Variants in ACP3 observed in about 807,000 individuals in gnomAD.
The protein encoded by ACP3 is prostatic acid phosphatase.
In ACP3, 38 loss-of-function variants were observed where a neutral mutation model predicts 45.6. The observed-to-expected ratio is 0.83, with a 90% CI of 0.64 to 1.09. The LOEUF is 1.09. ACP3 is among the 50% of genes least tolerant of loss of function. The pLI is 0.00. For synonymous variants in ACP3, 162 were observed against 164.7 expected, an observed-to-expected ratio of 0.98 and a Z score of 0.13; for missense variants, 466 against 463.2, an observed-to-expected ratio of 1.01 and a Z score of -0.05.
downstream of ACP3, among the ~76,000 whole-genome samples, chr3:132,359,712 T>C (rs1225426716): frequency 1.3e-5 from 2 of 152,008 alleles, no homozygotes; most frequent in Non-Finnish European, 2.9e-5. Flanking sequence ...CAAATAACAA[T>C]ATGCAGGTAG....
intron 4 of ACP3, among the ~76,000 whole-genome samples, chr3:132,334,967 A>G (rs1018401715): frequency 6.6e-6 from 1 of 152,134 alleles, no homozygotes; most frequent in African/African-American, 2.4e-5. Context: ...AAGTCAAGTT[A>G]GTTAAAAAAT....
At chr3:132,329,838 A>C (rs751670312) in intron 2 of ACP3, among the ~76,000 whole-genome samples, 6 of 151,956 alleles carry the variant, frequency 3.9e-5, no homozygotes, top group African/African-American at 1.5e-4. Flanking sequence ...CCCAAGGATG[A>C]CAATGGCACT....
intron 7 of ACP3, among the ~76,000 whole-genome samples, chr3:132,346,004 G>C (rs970760158): frequency 3.3e-5 from 5 of 152,210 alleles, no homozygotes; most frequent in African/African-American, 1.2e-4. Context: ...GATGGTCCAA[G>C]TCAGGCTGAC....
downstream of ACP3, among the ~76,000 whole-genome samples, chr3:132,362,248 C>T (rs1372386339): frequency 6.6e-6 from 1 of 152,078 alleles, no homozygotes; most frequent in African/African-American, 2.4e-5. Flanking sequence ...GATAACATGC[C>T]ACAAGTAATA....
chr3:132,322,870 G>A (rs1172868495), intron 1 of ACP3, among the ~76,000 whole-genome samples: 1 of 152,228 alleles, frequency 6.6e-6, no homozygotes, highest in Non-Finnish European at 1.5e-5. Flanking sequence ...CAGATTAATG[G>A]ATTAATAGGT....
intron 6 of ACP3, among the ~76,000 whole-genome samples, chr3:132,344,239 C>T (rs891558072): frequency 1.4e-5 from 2 of 146,968 alleles, no homozygotes; most frequent in Non-Finnish European, 3.0e-5. Context: ...AATCGTGCCA[C>T]TGCACTCCAG....
chr3:132,322,719 G>C lies in ACP3; in HGVS notation c.120+5143G>C, dbSNP rs138061389. Reference sequence around the variant, plus strand: ...AGCAAAGGCACAAATGAATAGGATAGAGACTGCTACAATTTGAATGTTTGT... The same window carrying C: ...AGCAAAGGCACAAATGAATAGGATACAGACTGCTACAATTTGAATGTTTGT... On this transcript the variant is annotated intron_variant, in intron 1 of 9. Coordinates refer to ENST00000336375, the MANE Select transcript of ACP3 (RefSeq NM_001099.5). 9.2e-3 allele frequency among the ~76,000 whole-genome samples: 1,398 copies of C among 152,352 alleles called. 29 individuals are homozygous for C. The highest frequency in any genetic ancestry group is 0.032 in the African/African-American group (1,322 of 41,576).
chr3:132,331,946 G>T (rs1392352150), intron 3 of ACP3, among the ~76,000 whole-genome samples: 1 of 152,112 alleles, frequency 6.6e-6, no homozygotes, highest in Non-Finnish European at 1.5e-5. Context: ...AAATACTTTG[G>T]CTTGACAAGT....
intron 1 of ACP3, among the ~76,000 whole-genome samples, chr3:132,326,729 T>C (rs1937304709): frequency 6.6e-6 from 1 of 152,240 alleles, no homozygotes; most frequent in Admixed American, 6.5e-5. Flanking sequence ...TTAATGTCTA[T>C]TGAATTCTGT....
In ACP3 at chr3:132,345,049, G is replaced by C. The variant is rs1182891594; in HGVS notation, c.771G>C (p.Arg257Ser). The C allele has an allele frequency of 1.2e-6, 2 of 1,613,044 alleles. No homozygotes were observed. Among genetic ancestry groups the C allele is most frequent in the Non-Finnish European group, 1.7e-6 (2 of 1,179,508 alleles). ...TTCACAAGCAGAAAGAGAAATCTAGGCTCCAAGGGGGTAAGTATTAAAAAA... is the reference window on the plus strand; with the variant it reads ...TTCACAAGCAGAAAGAGAAATCTAGCCTCCAAGGGGGTAAGTATTAAAAAA... ...YGIHKQKEKSRLQGGVLVNEI... is the reference protein window; with the variant it reads ...YGIHKQKEKSSLQGGVLVNEI... The change falls in exon 7 of 10, where the codon AGG (arginine) becomes AGC (serine). Residue 257 changes from arginine to serine, a missense_variant. Physicochemically the swap from Arg to Ser is moderately radical, Grantham distance 110 (BLOSUM62 -1). Transcript: ENST00000336375.
downstream of ACP3, among the ~76,000 whole-genome samples, chr3:132,360,807 A>T (rs1215311507): frequency 6.6e-6 from 1 of 152,240 alleles, no homozygotes; most frequent in Non-Finnish European, 1.5e-5. Context: ...CACATGCCCA[A>T]GATTCAACCT....
intron 1 of ACP3, among the ~76,000 whole-genome samples, chr3:132,324,292 A>G (rs1559828098): frequency 6.6e-6 from 1 of 151,724 alleles, no homozygotes; most frequent in Non-Finnish European, 1.5e-5. Flanking sequence ...GACTGTACTC[A>G]CCAGGTTCTC....
intron 9 of ACP3, among the ~76,000 whole-genome samples, chr3:132,354,894 TA>T (rs1191738351): frequency 6.6e-6 from 1 of 152,254 alleles, no homozygotes; most frequent in Non-Finnish European, 1.5e-5. Flanking sequence ...TCTTCACCAC[TA>T]AAGCCAATTT....
At chr3:132,333,407 C>T (rs1291837815) in intron 4 of ACP3, 5 of 152,636 alleles carry the variant, frequency 3.3e-5, no homozygotes, top group Admixed American at 3.3e-4. Context: ...TCCCTGCAGT[C>T]CCATCATAGG....
chr3:132,347,032 C>G (rs1937617931), intron 7 of ACP3, among the ~76,000 whole-genome samples: 2 of 152,182 alleles, frequency 1.3e-5, no homozygotes, highest in South Asian at 4.1e-4. Flanking sequence ...TCTTTTATTT[C>G]CCTTGCCTAC....
chr3:132,355,471 C>CTTATT (rs752733970), intron 9 of ACP3, among the ~76,000 whole-genome samples: 1 of 146,322 alleles, frequency 6.8e-6, no homozygotes, highest in East Asian at 2.0e-4. Context: ...TTATAGACAT[C>CTTATT]TTATTTTATT....
chr3:132,320,796 G>A (rs574692354), intron 1 of ACP3, among the ~76,000 whole-genome samples: 29 of 152,042 alleles, frequency 1.9e-4, no homozygotes, highest in African/African-American at 4.8e-4. Context: ...GATTACAGGC[G>A]TGTGCCACCA....
At chr3:132,367,786 A>G (rs1383892666) in exon 11 of ACP3, 1 of 1,613,470 alleles carries the variant, frequency 6.2e-7, no homozygotes, top group Admixed American at 1.7e-5. Flanking sequence ...TTCGCCGTGG[A>G]CTCTGCTGGC....
chr3:132,319,895 A>T (rs1159229905), intron 1 of ACP3, among the ~76,000 whole-genome samples: 1 of 152,166 alleles, frequency 6.6e-6, no homozygotes, highest in African/African-American at 2.4e-5. Context: ...TTCCTCTGTG[A>T]TCCGAGAAAA....
Sources: allele counts gnomAD v4.1 joint callset (sites outside exome capture counted in the v4.1 genomes callset), GRCh38; gene constraint gnomAD v4.1.1; transcripts MANE v1.5; gene names NCBI Gene and HGNC (gene_info 2026-07-23, HGNC 2026-07-21).